The following SYTL2 variants were observed in gnomAD, a reference collection of about 807,000 sequenced individuals.
SYTL2 encodes synaptotagmin like 2.
In SYTL2, 165 loss-of-function variants were observed where a neutral mutation model predicts 198.7. The ratio of observed to expected loss-of-function variants is 0.83; its 90% confidence interval spans 0.73 to 0.94. The LOEUF (loss-of-function observed/expected upper bound fraction) is 0.94, where lower values mean the gene tolerates loss of function less well. Among genes scored for constraint, SYTL2 ranks in the 40% least tolerant of loss-of-function variants. The pLI is 0.00. For synonymous variants in SYTL2, 966 were observed against 917.7 expected (o/e 1.05, Z -0.95); for missense variants, 2,835 against 2,582.8 (o/e 1.10, Z -2.12).
intron 1 of SYTL2, among the ~76,000 whole-genome samples, chr11:85,789,943 C>A (rs979979008): frequency 1.3e-5 from 2 of 151,886 alleles, no homozygotes; most frequent in African/African-American, 4.8e-5. Flanking sequence ...GTTGAGTATC[C>A]CTTATCCAAA....
intron 1 of SYTL2, among the ~76,000 whole-genome samples, chr11:85,802,024 C>T (rs888988485): frequency 4.6e-5 from 7 of 151,652 alleles, no homozygotes; most frequent in African/African-American, 1.7e-4. Context: ...CTATGTTAGC[C>T]AGGCTGGTCT....
chr11:85,827,505 G>A, the SYTL2 span, among the ~76,000 whole-genome samples: 1 of 152,080 alleles, frequency 6.6e-6, no homozygotes, highest in Non-Finnish European at 1.5e-5. Context: ...CTCTCTGCTG[G>A]AAGCACTCTC....
intron 1 of SYTL2, among the ~76,000 whole-genome samples, chr11:85,776,835 T>G (rs1324868270): frequency 6.6e-6 from 1 of 152,198 alleles, no homozygotes; most frequent in Non-Finnish European, 1.5e-5. Flanking sequence ...AAACCTTTTT[T>G]AAAAAATAAA....
the SYTL2 span, among the ~76,000 whole-genome samples, chr11:85,829,828 A>G: frequency 0.017 from 2,588 of 152,266 alleles, 59 homozygotes; most frequent in African/African-American, 0.057. Flanking sequence ...TATGTCTTGT[A>G]TACCGACATT....
chr11:85,708,609 G>A (rs1358004408), intron 14 of SYTL2, among the ~76,000 whole-genome samples: 1 of 152,028 alleles, frequency 6.6e-6, no homozygotes, highest in Non-Finnish European at 1.5e-5. Context: ...TTATACCACT[G>A]AGCTTTATGA....
In SYTL2 at chr11:85,727,152, T is replaced by C; in HGVS notation, c.2206A>G (p.Lys736Glu). ...KDNMNAERKS[K>E]VGNTYILKAS... is the part of the protein sequence containing the mutation. Reference sequence around the variant, plus strand: ...TTCAGGATATAGGTATTTCCTACTTTGCTCTTTCTCTCTGCATTCATGTTA... The same window carrying C: ...TTCAGGATATAGGTATTTCCTACTTCGCTCTTTCTCTCTGCATTCATGTTA... Residue 736 changes from lysine (K) to glutamate (E), a missense_variant, in exon 8 of 20, where the codon AAA (lysine) becomes GAA (glutamate). Lys to Glu is a moderately conservative substitution (Grantham distance 56). Transcript: ENST00000359152. The C allele has an allele frequency of 6.5e-7, 1 of 1,536,458 alleles. No individual in the cohort carries two copies. The highest frequency in any genetic ancestry group is 8.7e-7 in the Non-Finnish European group (1 of 1,146,920).
Position 85,725,551 on chromosome 11 carries a change from AGGAG to A in SYTL2, c.3803_3806del (p.Ala1268ValfsTer4). 1 of 1,614,066 alleles carries A rather than the reference AGGAG, an allele frequency of 6.2e-7. No homozygotes were observed. The highest frequency in any genetic ancestry group is 8.5e-7 in the Non-Finnish European group (1 of 1,179,988). ...CAAAAGTTTCATCTCTCACTGGAAA[AGGAG>A]CTAGTATTTCTCTCTTATCAGCTGA... On this transcript the variant is annotated frameshift_variant, in exon 8 of 20. Transcript: ENST00000359152. LOFTEE classifies it high-confidence loss of function.
chr11:85,748,506 T>C (rs965324042), intron 2 of SYTL2, 83 bp from the exon 3 acceptor site: 2 of 1,392,274 alleles, frequency 1.4e-6, no homozygotes, highest in African/African-American at 2.9e-5. Context: ...AAGACATGTG[T>C]AAACACACAG....
rs912626847 is a variant in SYTL2, at chr11:85,777,732, T to C, written c.-389-19618A>G. Among the ~76,000 whole-genome samples, 5 of 145,234 alleles carry C rather than the reference T, an allele frequency of 3.4e-5. No homozygotes were observed. The South Asian group carries it at 6.5e-4, about 19-fold the overall frequency. On this transcript the variant is annotated intron_variant, in intron 1 of 19. Transcript: ENST00000359152. ...AATCAGGTAGAGGTCCTTAACAGAG[T>C]AGGCTTCAGACACAAGAAGAGTAAA...
At chr11:85,769,381 G>GA (rs1414099754) in intron 1 of SYTL2, among the ~76,000 whole-genome samples, 1 of 152,180 alleles carries the variant, frequency 6.6e-6, no homozygotes, top group African/African-American at 2.4e-5. Context: ...GATGTGTTTT[G>GA]AAGATGGAGG....
intron 1 of SYTL2, among the ~76,000 whole-genome samples, chr11:85,783,125 AC>A (rs2092587331): frequency 6.6e-6 from 1 of 152,196 alleles, no homozygotes; most frequent in Non-Finnish European, 1.5e-5. Flanking sequence ...AGACTGGGTA[AC>A]TTATAAAGGA....
intron 19 of SYTL2, among the ~76,000 whole-genome samples, 185 bp downstream of exon 19, chr11:85,695,998 C>T (rs1376552836): frequency 6.6e-6 from 1 of 152,184 alleles, no homozygotes; most frequent in Non-Finnish European, 1.5e-5. Context: ...CCCTGTTAAT[C>T]CTCATATCTG....
At chr11:85,843,523 C>T in the SYTL2 span, among the ~76,000 whole-genome samples, 294 of 152,128 alleles carry the variant, frequency 1.9e-3, 1 homozygote, top group African/African-American at 6.8e-3. Context: ...GAGTTTGGGG[C>T]ATGGTGCGAC....
Position 85,707,418 on chromosome 11 carries a change from T to A in SYTL2, c.6018+11A>T. 1.3e-6 allele frequency: 2 copies of A among 1,589,100 alleles called. No individual in the cohort carries two copies. Among genetic ancestry groups the A allele is most frequent in the African/African-American group, 1.3e-5 (1 of 74,382 alleles). ...ATCTAGGATTTTCCTATAGAGAGAG[T>A]TCATAGATACCCGCAGTATTTCGTT... On this transcript the variant is annotated intron_variant, in intron 15 of 19. Coordinates refer to ENST00000359152, the MANE Select transcript of SYTL2 (RefSeq NM_206927.4).
chr11:85,789,044 G>C (rs995918125), intron 1 of SYTL2, among the ~76,000 whole-genome samples: 20 of 151,240 alleles, frequency 1.3e-4, no homozygotes, highest in African/African-American at 4.9e-4. Context: ...CAAAGGTTTG[G>C]CATATCTTGC....
At chr11:85,829,622 C>T in the SYTL2 span, among the ~76,000 whole-genome samples, 1 of 152,250 alleles carries the variant, frequency 6.6e-6, no homozygotes, top group Admixed American at 6.5e-5. Flanking sequence ...TTTGAGAAAC[C>T]TCTCAACTGC....
intron 18 of SYTL2, 59 bp downstream of exon 18, chr11:85,697,920 A>G: frequency 1.8e-6 from 2 of 1,140,832 alleles, no homozygotes; most frequent in Non-Finnish European, 2.6e-6. Context: ...GAGAACCGAA[A>G]CTAACCAGCA....
At chr11:85,761,341 G>T (rs755635006) in intron 1 of SYTL2, among the ~76,000 whole-genome samples, 12 of 152,056 alleles carry the variant, frequency 7.9e-5, no homozygotes, top group African/African-American at 1.9e-4. Flanking sequence ...GAACAAAAAC[G>T]TGACAGCGAT....
chr11:85,759,421 C>T (rs1306789862), intron 1 of SYTL2, among the ~76,000 whole-genome samples: 1 of 152,180 alleles, frequency 6.6e-6, no homozygotes, highest in Non-Finnish European at 1.5e-5. Context: ...TTACCGACCA[C>T]TGTGAAGCTG....
Sources: allele counts gnomAD v4.1 joint callset (sites outside exome capture counted in the v4.1 genomes callset), GRCh38; gene constraint gnomAD v4.1.1; transcripts MANE v1.5; gene names NCBI Gene and HGNC (gene_info 2026-07-23, HGNC 2026-07-21).